The following SOBP variants were observed in gnomAD, a reference collection of about 807,000 sequenced individuals.
The protein encoded by SOBP is sine oculis binding protein homolog, also known as sine oculis-binding protein homolog.
A neutral mutation model predicts 53.6 loss-of-function variants in SOBP; 4 were observed. That is an observed-to-expected ratio of 0.07 (90% confidence interval 0.04 to 0.17). The LOEUF (loss-of-function observed/expected upper bound fraction) is 0.17. Ranked by LOEUF, SOBP falls within the 10% of genes least tolerant of loss-of-function variation. The pLI is 1.00. For missense variants in SOBP, 1,088 were observed against 1,204.7 expected, an observed-to-expected ratio of 0.90 and a Z score of 1.43; for synonymous variants, 584 against 522.6, an observed-to-expected ratio of 1.12 and a Z score of -1.60.
At chr6:107,571,473 C>T (rs1785071414) in intron 4 of SOBP, among the ~76,000 whole-genome samples, 1 of 152,324 alleles carries the variant, frequency 6.6e-6, no homozygotes, top group Non-Finnish European at 1.5e-5. Context: ...GAAGCCCAGT[C>T]GGAGCCTCCC....
rs545653002 is a variant in SOBP, at chr6:107,650,540, T to A, written c.*4-7667T>A. Among the ~76,000 whole-genome samples, 10 of 152,340 alleles carry A rather than the reference T, an allele frequency of 6.6e-5. No homozygotes were observed. The South Asian group carries it at 2.1e-3, about 32-fold the overall frequency. ...AATGTTTCAAACATTTTCATTATCA[T>A]ATCTGTTATGGTGATTTGTGATCAG... On this transcript the variant is annotated intron_variant, in intron 6 of 6. Transcript: ENST00000317357.
chr6:107,655,157 A>G (rs1333805673), intron 6 of SOBP, among the ~76,000 whole-genome samples: 1 of 152,092 alleles, frequency 6.6e-6, no homozygotes, highest in Non-Finnish European at 1.5e-5. Flanking sequence ...CTGCTTGGCA[A>G]GGACAAAACA....
At chr6:107,522,515 ATGAT>A (rs893811587) in intron 3 of SOBP, among the ~76,000 whole-genome samples, 56 of 146,808 alleles carry the variant, frequency 3.8e-4, no homozygotes, top group Non-Finnish European at 7.2e-4. Context: ...GAATGAATGA[ATGAT>A]TGGGTGTAGT....
At chr6:107,583,096 A>G (rs1289813878) in intron 4 of SOBP, among the ~76,000 whole-genome samples, 2 of 152,234 alleles carry the variant, frequency 1.3e-5, no homozygotes, top group Admixed American at 1.3e-4. Flanking sequence ...TCTGACTTTA[A>G]TATATAAGAG....
At chr6:107,526,096 C>A (rs912128004) in intron 3 of SOBP, among the ~76,000 whole-genome samples, 2 of 151,992 alleles carry the variant, frequency 1.3e-5, no homozygotes, top group African/African-American at 4.8e-5. Flanking sequence ...TACAGGCAGC[C>A]GCCACCATGC....
At chr6:107,565,575 A>G (rs1276073420) in intron 4 of SOBP, among the ~76,000 whole-genome samples, 1 of 152,176 alleles carries the variant, frequency 6.6e-6, no homozygotes, top group Non-Finnish European at 1.5e-5. Flanking sequence ...TGGTCATCTG[A>G]GTAGGAAGTG....
At chr6:107,584,638 A>G (rs996469271) in intron 4 of SOBP, among the ~76,000 whole-genome samples, 1 of 152,186 alleles carries the variant, frequency 6.6e-6, no homozygotes, top group Non-Finnish European at 1.5e-5. Flanking sequence ...TTCAATAAAA[A>G]AGCAAGTTTC....
chr6:107,636,636 A>G (rs1378240909), intron 6 of SOBP, among the ~76,000 whole-genome samples: 2 of 152,204 alleles, frequency 1.3e-5, no homozygotes, highest in East Asian at 3.9e-4. Flanking sequence ...AGAGATGAGC[A>G]TTTATTGAGC....
intron 5 of SOBP, among the ~76,000 whole-genome samples, chr6:107,629,726 G>T (rs552413310): frequency 6.6e-6 from 1 of 152,300 alleles, no homozygotes; most frequent in East Asian, 1.9e-4. Flanking sequence ...TATTTCACAG[G>T]AAAGGAGTGA....
In SOBP at chr6:107,634,395, G is replaced by C; in HGVS notation, c.1551G>C (p.Leu517=). The change falls in exon 6 of 7, where the codon CTG becomes CTC. Residue 517 remains leucine, a synonymous_variant. Transcript: ENST00000317357. The surrounding 1 kb of genome is among the most constrained non-coding windows in gnomAD (Gnocchi z 4.5). ...MNFGLPSLAP[L]VPPPTLLVPY... The stretch of plus-strand genomic sequence containing the variant: ...TCGGGCTGCCGTCGCTTGCCCCGCT[G>C]GTGCCGCCCCCGACCCTGCTCGTGC... The C allele has an allele frequency of 1.2e-6, 2 of 1,600,592 alleles. No homozygotes were observed. The highest frequency in any genetic ancestry group is 1.7e-6 in the Non-Finnish European group (2 of 1,178,982).
Position 107,601,275 on chromosome 6 carries a change from C to T in SOBP, c.669+14100C>T, listed in dbSNP as rs184911239. 2.0e-3 allele frequency among the ~76,000 whole-genome samples: 298 copies of T among 152,294 alleles called. 1 individual carries two copies. Among genetic ancestry groups the T allele is most frequent in the African/African-American group, 6.4e-3 (268 of 41,564 alleles). On this transcript the variant is annotated intron_variant, in intron 5 of 6. Coordinates refer to ENST00000317357, the MANE Select transcript of SOBP (RefSeq NM_018013.4). ...GGGCTCTGACAGCTCTCTGTGGCCC[C>T]GTCCCTAAACTATGGCACATCTTGT... is the stretch of plus-strand genomic sequence containing the variant.
intron 5 of SOBP, among the ~76,000 whole-genome samples, chr6:107,620,408 A>T (rs186351505): frequency 6.6e-6 from 1 of 152,128 alleles, no homozygotes; most frequent in South Asian, 2.1e-4. Context: ...ATTGATTCCA[A>T]ACTTCCCAAA....
At chr6:107,525,139 G>T (rs1414373230) in intron 3 of SOBP, among the ~76,000 whole-genome samples, 1 of 152,192 alleles carries the variant, frequency 6.6e-6, no homozygotes. Context: ...CAAGACTGTG[G>T]ATTTTCCTTA....
intron 4 of SOBP, among the ~76,000 whole-genome samples, chr6:107,551,179 C>T (rs1047670694): frequency 6.6e-5 from 10 of 152,040 alleles, no homozygotes; most frequent in Non-Finnish European, 1.3e-4. Context: ...CATCTAGTGG[C>T]GGGGGGTGGT....
At chr6:107,580,579 C>G (rs1277690422) in intron 4 of SOBP, among the ~76,000 whole-genome samples, 1 of 152,116 alleles carries the variant, frequency 6.6e-6, no homozygotes, top group African/African-American at 2.4e-5. Context: ...ACCTGGGACT[C>G]TAGGAGAAGG....
intron 1 of SOBP, among the ~76,000 whole-genome samples, chr6:107,491,968 G>A (rs1291175772): frequency 1.3e-5 from 2 of 152,174 alleles, no homozygotes; most frequent in African/African-American, 2.4e-5. Flanking sequence ...GTACCTAGGT[G>A]CATATGCTTA....
At chr6:107,544,812 TTC>T (rs1455595777) in intron 4 of SOBP, among the ~76,000 whole-genome samples, 1 of 152,112 alleles carries the variant, frequency 6.6e-6, no homozygotes, top group Non-Finnish European at 1.5e-5. Context: ...TGCAAATTCA[TTC>T]ATTCATTCAT....
intron 4 of SOBP, among the ~76,000 whole-genome samples, chr6:107,582,287 A>G (rs1335764409): frequency 6.6e-6 from 1 of 152,208 alleles, no homozygotes; most frequent in Non-Finnish European, 1.5e-5. Context: ...CAGAGGAAGC[A>G]GTGAATTTGA....
intron 4 of SOBP, among the ~76,000 whole-genome samples, chr6:107,557,429 C>T (rs181601042): frequency 2.0e-5 from 3 of 152,118 alleles, no homozygotes; most frequent in Non-Finnish European, 2.9e-5. Flanking sequence ...CAAATTGTTC[C>T]GAAACTATTA....
Sources: gnomAD v4.1 joint callset for allele counts (sites outside exome capture counted in the v4.1 genomes callset) on GRCh38, gnomAD v4.1.1 for gene constraint, Gnocchi (gnomAD v3.1) non-coding constraint, MANE v1.5 for transcripts, NCBI Gene and HGNC (gene_info 2026-07-23, HGNC 2026-07-21) for gene names.